The following PRR5 variants were observed in gnomAD, a reference collection of about 807,000 sequenced individuals.
PRR5 encodes proline-rich protein 5.
A neutral mutation model predicts 30.6 loss-of-function variants in PRR5; 25 were observed. The ratio of observed to expected loss-of-function variants is 0.82; its 90% CI spans 0.60 to 1.14. The LOEUF is 1.14. Among genes scored for constraint, PRR5 ranks in the 50% most tolerant of loss-of-function variants. The pLI is 0.00. For synonymous variants in PRR5, 286 were observed against 247.1 expected (o/e 1.16, Z -1.48); for missense variants, 600 against 547.1 (o/e 1.10, Z -0.96).
chr22:44,702,557 A>G lies in PRR5; in HGVS notation c.83A>G (p.Asp28Gly), dbSNP rs1252887822. 1 of 1,440,792 alleles carries G rather than the reference A, an allele frequency of 6.9e-7. No individual in the cohort carries two copies. Among genetic ancestry groups the G allele is most frequent in the Non-Finnish European group, 9.1e-7 (1 of 1,095,912 alleles). The allele number at this position is 1,440,792 out of a possible 1,614,324, so 89.3% of individuals were successfully genotyped here. The change falls in exon 1 of 8, where the codon GAC becomes GGC. Residue 28 changes from aspartate (D) to glycine (G), a missense_variant. By Grantham distance (94) the Asp-to-Gly change is moderately conservative. Coordinates refer to ENST00000336985, the MANE Select transcript of PRR5 (RefSeq NM_181333.4). ...LGKREPAAAA[D>G]ERGTQQRRAC... ...AAGAGAGAGCCGGCCGCCGCCGCGG[A>G]CGAGCGGGGCACGCAGCAGCGCCGG...
At chr22:44,681,149 A>G (rs1924246565) in intron 1 of PRR5, among the ~76,000 whole-genome samples, 1 of 152,128 alleles carries the variant, frequency 6.6e-6, no homozygotes, top group Admixed American at 6.5e-5. Context: ...GTGAGGCTCA[A>G]ATGACACCAG....
chr22:44,710,694 G>A (rs975766593), intron 1 of PRR5, among the ~76,000 whole-genome samples: 2 of 152,142 alleles, frequency 1.3e-5, no homozygotes, highest in Non-Finnish European at 2.9e-5. Flanking sequence ...GGGGTGGAGA[G>A]GAGCAGAGGT....
Position 44,691,751 on chromosome 22 carries a change from G to T in PRR5, c.-10-10741G>T, listed in dbSNP as rs1440069225. On this transcript the variant is annotated intron_variant, in intron 1 of 8. Transcript: ENST00000006251. This position sits in a 1 kb window ranked among gnomAD's most constrained non-coding sequence, Gnocchi z 4.4. ...ATTGCACCACTGCATTCCAGCCTGC[G>T]CGACGGGAGCAAGACTCCATCTCAA... 6.6e-6 allele frequency among the ~76,000 whole-genome samples: 1 copy of T among 151,992 alleles called. No individual in the cohort carries two copies. Among genetic ancestry groups the T allele is most frequent in the African/African-American group, 2.4e-5 (1 of 41,384 alleles).
chr22:44,690,202 G>A (rs1438062121), intron 1 of PRR5, among the ~76,000 whole-genome samples: 1 of 152,152 alleles, frequency 6.6e-6, no homozygotes, highest in Non-Finnish European at 1.5e-5. Flanking sequence ...GGCAGACAGA[G>A]CCCCCAGGAG....
intron 1 of PRR5, among the ~76,000 whole-genome samples, chr22:44,707,248 T>C (rs1423533517): frequency 1.3e-5 from 2 of 152,126 alleles, no homozygotes; most frequent in African/African-American, 2.4e-5. Context: ...GGGGCCAAGG[T>C]GTACTTTCAC....
chr22:44,697,466 T>G, upstream of PRR5, among the ~76,000 whole-genome samples: 1 of 152,254 alleles, frequency 6.6e-6, no homozygotes, highest in East Asian at 1.9e-4. Flanking sequence ...GCACTCCCCA[T>G]GGCTTTCCGT....
At position 44,702,225 on chromosome 22, in the gene PRR5, T is replaced by C. The variant is rs986994282; in HGVS notation, c.-250T>C. 2.0e-4 allele frequency: 222 copies of C among 1,106,528 alleles called. 2 individuals are homozygous for C. The African/African-American group carries it at 3.3e-3, about 16-fold the overall frequency. The allele number at this position is 1,106,528 out of a possible 1,614,324, so 68.5% of individuals were successfully genotyped here. ...CCCCGGCCTCCGTTTGCGCCGGGTCTGTGCTGGCCGCGCGCCTGGCGCTCC... is the reference window on the plus strand; with the variant it reads ...CCCCGGCCTCCGTTTGCGCCGGGTCCGTGCTGGCCGCGCGCCTGGCGCTCC... On this transcript the variant is annotated 5_prime_UTR_variant, in exon 1 of 8. Coordinates refer to ENST00000336985, the MANE Select transcript of PRR5 (RefSeq NM_181333.4).
At chr22:44,717,718 T>C (rs1471213887) in intron 2 of PRR5, among the ~76,000 whole-genome samples, 1 of 138,840 alleles carries the variant, frequency 7.2e-6, no homozygotes, top group Non-Finnish European at 1.6e-5. Context: ...CCTGCTTTGC[T>C]TTTTTTTTTT....
chr22:44,711,416 G>A (rs62228462), intron 1 of PRR5, among the ~76,000 whole-genome samples: 5,353 of 152,232 alleles, frequency 0.035, 111 homozygotes, highest in Non-Finnish European at 0.044. Flanking sequence ...CAGGAGGGCA[G>A]TGTGAGTGAC....
At chr22:44,733,004 A>G (rs545186857) in intron 6 of PRR5, among the ~76,000 whole-genome samples, 14 of 114,890 alleles carry the variant, frequency 1.2e-4, no homozygotes, top group South Asian at 3.1e-4. Context: ...GCGCACACAT[A>G]CTACACACGT....
chr22:44,719,922 C>A (rs1424505058), intron 2 of PRR5, among the ~76,000 whole-genome samples: 4 of 152,212 alleles, frequency 2.6e-5, no homozygotes, highest in Non-Finnish European at 5.9e-5. Context: ...CCCTGCAGAC[C>A]CTTCCCACAG....
chr22:44,706,246 CATTGATTG>C (rs202019365), intron 1 of PRR5, among the ~76,000 whole-genome samples: 1 of 152,202 alleles, frequency 6.6e-6, no homozygotes, highest in Non-Finnish European at 1.5e-5. Flanking sequence ...AGAACTGAGT[CATTGATTG>C]ATTGATTGAT....
chr22:44,672,734 C>T (rs1923496939), upstream of PRR5, among the ~76,000 whole-genome samples: 1 of 152,206 alleles, frequency 6.6e-6, no homozygotes, highest in South Asian at 2.1e-4. Flanking sequence ...TCCTGTCCTG[C>T]CAGCCAGCCC....
At chr22:44,731,624 G>A in intron 4 of PRR5, 106 bp from the exon 5 acceptor site, 1 of 1,163,052 alleles carries the variant, frequency 8.6e-7, no homozygotes, top group Non-Finnish European at 1.3e-6. Flanking sequence ...CCAGGGGCCT[G>A]AGCCCAGGCC....
chr22:44,718,192 C>CTTTTTTTTTTTTTTTTTT (rs34868054), intron 2 of PRR5, among the ~76,000 whole-genome samples: 5 of 94,578 alleles, frequency 5.3e-5, no homozygotes, highest in African/African-American at 8.5e-5. Context: ...TTTCATCTCT[C>CTTTTTTTTTTTTTTTTTT]TTTTTTTTTT....
intron 4 of PRR5, among the ~76,000 whole-genome samples, chr22:44,727,352 G>A (rs1242589897): frequency 6.6e-6 from 1 of 152,192 alleles, no homozygotes; most frequent in Non-Finnish European, 1.5e-5. Context: ...AGGTGAGGGG[G>A]TCCACTCAGT....
chr22:44,712,566 T>C (rs1295354107), intron 1 of PRR5, among the ~76,000 whole-genome samples: 1 of 152,218 alleles, frequency 6.6e-6, no homozygotes, highest in African/African-American at 2.4e-5. Flanking sequence ...GGCCGCTCTG[T>C]GACCTCCAGC....
upstream of PRR5, among the ~76,000 whole-genome samples, chr22:44,701,397 G>A (rs1926271131): frequency 6.6e-6 from 1 of 152,252 alleles, no homozygotes; most frequent in Admixed American, 6.5e-5. Context: ...CACTCTGTGA[G>A]CCTCAATGTC....
At chr22:44,699,173 C>T (rs779456768), upstream of PRR5, among the ~76,000 whole-genome samples, 1 of 152,222 alleles carries the variant, frequency 6.6e-6, no homozygotes, top group Non-Finnish European at 1.5e-5. Context: ...CTGGCCGCTT[C>T]TCCCAGATGC....
Sources: allele counts gnomAD v4.1 joint callset (sites outside exome capture counted in the v4.1 genomes callset), GRCh38; gene constraint gnomAD v4.1.1; non-coding constraint Gnocchi (gnomAD v3.1); transcripts MANE v1.5; gene names NCBI Gene and HGNC (gene_info 2026-07-23, HGNC 2026-07-21).